EGFLAM: variants seen among roughly 807,000 people sequenced by gnomAD.
EGFLAM encodes the protein pikachurin.
Under a neutral mutation model 113.1 loss-of-function variants are expected in EGFLAM, and 79 were observed. The observed-to-expected ratio is 0.70, with a 90% confidence interval of 0.58 to 0.84. EGFLAM has a LOEUF of 0.84. EGFLAM is among the 40% of genes least tolerant of loss of function. The probability of loss-of-function intolerance (pLI) is 0.00; values close to 1 mark genes in which losing one functional copy is unlikely to be tolerated. For missense variants in EGFLAM, 1,265 were observed against 1,291.6 expected (o/e 0.98, Z 0.32); for synonymous variants, 504 against 487.6 (o/e 1.03, Z -0.44).
At chr5:38,346,056 G>A (rs1739464976) in intron 3 of EGFLAM, among the ~76,000 whole-genome samples, 1 of 152,058 alleles carries the variant, frequency 6.6e-6, no homozygotes, top group South Asian at 2.1e-4. Context: ...GTCAGTGCAG[G>A]AAAAGAGACA....
intron 6 of EGFLAM, among the ~76,000 whole-genome samples, chr5:38,374,976 A>G (rs1195117139): frequency 1.3e-5 from 2 of 150,694 alleles, no homozygotes; most frequent in African/African-American, 2.4e-5. Context: ...ACTTCCTTGT[A>G]GATTCTGGAT....
At chr5:38,450,447 C>T (rs1579950266) in intron 18 of EGFLAM, among the ~76,000 whole-genome samples, 1 of 152,318 alleles carries the variant, frequency 6.6e-6, no homozygotes, top group Middle Eastern at 3.4e-3. Flanking sequence ...GACACAGACC[C>T]AGGTGTGTGA....
At chr5:38,289,278 C>CCA (rs1554045477) in intron 1 of EGFLAM, among the ~76,000 whole-genome samples, 2 of 151,068 alleles carry the variant, frequency 1.3e-5, no homozygotes, top group Non-Finnish European at 3.0e-5. Context: ...TTTCCCCGCC[C>CCA]CCACATTTCA....
rs1326353223 is a variant in EGFLAM, at chr5:38,258,641, C to T, written c.-114C>T. On this transcript the variant is annotated 5_prime_UTR_variant, in exon 1 of 22. Coordinates refer to ENST00000322350, the MANE Select transcript of EGFLAM (RefSeq NM_152403.4). Reference sequence around the variant, plus strand: ...CGGGCCCAGCCCTCGCAGCCCCCCACCTCCTCGCCCCGGCCCGGGGATCCG... The same window carrying T: ...CGGGCCCAGCCCTCGCAGCCCCCCATCTCCTCGCCCCGGCCCGGGGATCCG... 8 of 1,239,472 alleles carry T rather than the reference C, an allele frequency of 6.5e-6. No individual in the cohort carries two copies. The highest frequency in any genetic ancestry group is 9.2e-6 in the Non-Finnish European group (8 of 866,810). 76.8% of individuals were successfully genotyped at this position (1,239,472 alleles called of 1,614,324 possible). A position where few individuals can be genotyped will look rare whatever the true frequency, so the allele number is the denominator to read the frequency against.
rs547410666 is a variant in EGFLAM at position 38,425,236 on chromosome 5, T to C, written c.1810+144T>C. 1.0e-4 allele frequency: 135 copies of C among 1,293,458 alleles called. 1 individual carries two copies. The African/African-American group carries it at 1.9e-3, about 18-fold the overall frequency. 80.1% of individuals were successfully genotyped at this position (1,293,458 alleles called of 1,614,324 possible). ...CTCTCTTACCCAGGCCGGAGTGCAG[T>C]GGCGCATCTCGGCTCACTGCAACCT... On this transcript the variant is annotated intron_variant, in intron 13 of 21. Coordinates refer to ENST00000322350, the MANE Select transcript of EGFLAM (RefSeq NM_152403.4).
At chr5:38,417,741 T>TG (rs1213423978) in intron 11 of EGFLAM, among the ~76,000 whole-genome samples, 4 of 152,172 alleles carry the variant, frequency 2.6e-5, no homozygotes, top group Non-Finnish European at 4.4e-5. Flanking sequence ...GTGTCAAGAC[T>TG]GGAAAGAGAA....
At chr5:38,355,422 G>C (rs1486872769) in intron 5 of EGFLAM, among the ~76,000 whole-genome samples, 1 of 152,156 alleles carries the variant, frequency 6.6e-6, no homozygotes, top group East Asian at 1.9e-4. Context: ...GTTGCAAGAG[G>C]TGAGTGAGCC....
chr5:38,399,828 G>T (rs1370614897), intron 6 of EGFLAM: 1 of 152,220 alleles, frequency 6.6e-6, no homozygotes, highest in East Asian at 1.9e-4. Context: ...TTTGAGTGAA[G>T]ATGGATTCCG....
At chr5:38,366,556 T>C (rs1740064567) in intron 5 of EGFLAM, among the ~76,000 whole-genome samples, 1 of 152,144 alleles carries the variant, frequency 6.6e-6, no homozygotes. Context: ...AGAAAAGTGA[T>C]TGTTCACTAA....
At chr5:38,341,257 G>T (rs1429246403) in intron 3 of EGFLAM, among the ~76,000 whole-genome samples, 2 of 152,184 alleles carry the variant, frequency 1.3e-5, no homozygotes, top group African/African-American at 4.8e-5. Flanking sequence ...AAGAAAAGAG[G>T]TTTAAATGAC....
chr5:38,312,399 G>A (rs1344214531), intron 1 of EGFLAM, among the ~76,000 whole-genome samples: 6 of 151,930 alleles, frequency 3.9e-5, no homozygotes, highest in Admixed American at 2.6e-4. Context: ...CTGCCACCTC[G>A]CCTGGCTAAT....
chr5:38,416,753 A>G (rs1741654132), intron 11 of EGFLAM, among the ~76,000 whole-genome samples: 1 of 152,224 alleles, frequency 6.6e-6, no homozygotes, highest in Non-Finnish European at 1.5e-5. Flanking sequence ...AAAGAAGCCA[A>G]GAGGACATTT....
chr5:38,364,639 T>A (rs1242037330), intron 5 of EGFLAM, among the ~76,000 whole-genome samples: 1 of 152,076 alleles, frequency 6.6e-6, no homozygotes, highest in Non-Finnish European at 1.5e-5. Flanking sequence ...TTCCCGTCTT[T>A]GAAAGATCGT....
chr5:38,431,007 G>T (rs1377908033), intron 14 of EGFLAM, among the ~76,000 whole-genome samples, 170 bp from the exon 15 acceptor site: 2 of 152,172 alleles, frequency 1.3e-5, no homozygotes, highest in African/African-American at 2.4e-5. Flanking sequence ...CATGATGCCT[G>T]CCCAGGTTGG....
chr5:38,305,911 T>C (rs1758706941), intron 1 of EGFLAM, among the ~76,000 whole-genome samples: 1 of 152,214 alleles, frequency 6.6e-6, no homozygotes, highest in Non-Finnish European at 1.5e-5. Flanking sequence ...TGGTAGAGGC[T>C]TCTTCTGTGT....
At chr5:38,442,877 T>TA (rs1742590414) in intron 17 of EGFLAM, among the ~76,000 whole-genome samples, 1 of 152,194 alleles carries the variant, frequency 6.6e-6, no homozygotes, top group Non-Finnish European at 1.5e-5. Context: ...TGTCTATGGC[T>TA]AAAGAAGCAG....
intron 1 of EGFLAM, chr5:38,291,109 G>A (rs1392707452): frequency 6.6e-6 from 1 of 152,122 alleles, no homozygotes; most frequent in Admixed American, 6.6e-5. Context: ...AACCCTGCAG[G>A]GGTCAGTTAT....
chr5:38,289,673 C>G (rs988052079), intron 1 of EGFLAM, among the ~76,000 whole-genome samples: 1 of 152,194 alleles, frequency 6.6e-6, no homozygotes, highest in African/African-American at 2.4e-5. Context: ...AACATGTAAA[C>G]CTCTCATGGG....
chr5:38,373,001 A>G (rs901340375), intron 6 of EGFLAM, among the ~76,000 whole-genome samples: 1 of 152,174 alleles, frequency 6.6e-6, no homozygotes, highest in Non-Finnish European at 1.5e-5. Flanking sequence ...TTAAATTAAA[A>G]CTGTTAAATT....
Sources: gnomAD v4.1 joint callset for allele counts (sites outside exome capture counted in the v4.1 genomes callset) on GRCh38, gnomAD v4.1.1 for gene constraint, MANE v1.5 for transcripts, NCBI Gene and HGNC (gene_info 2026-07-23, HGNC 2026-07-21) for gene names.